Variants in ZNF540 observed in about 807,000 individuals in gnomAD.
ZNF540 encodes the protein zinc finger protein 540, also known as CTD-3064H18.6.
ZNF540 carries 3 observed loss-of-function variants against 11.8 expected under a neutral mutation model. The ratio of observed to expected loss-of-function variants is 0.25; its 90% CI spans 0.12 to 0.65. ZNF540 has a LOEUF of 0.65. Ranked by LOEUF, ZNF540 falls within the 30% of genes least tolerant of loss-of-function variation. ZNF540 has a pLI of 0.83. For synonymous variants in ZNF540, 247 were observed against 259.0 expected (o/e 0.95, Z 0.45); for missense variants, 709 against 793.1 (o/e 0.89, Z 1.27).
At chr19:37,598,086 A>T (rs752922315) in intron 1 of ZNF540, among the ~76,000 whole-genome samples, 5 of 152,194 alleles carry the variant, frequency 3.3e-5, no homozygotes, top group Non-Finnish European at 5.9e-5. Flanking sequence ...GGCAATTCTG[A>T]ACATCCCAGC....
chr19:37,608,986 C>T (rs1165205860), intron 4 of ZNF540, among the ~76,000 whole-genome samples: 1 of 152,096 alleles, frequency 6.6e-6, no homozygotes, highest in African/African-American at 2.4e-5. Context: ...GATTGCCACC[C>T]TCCAGCTTTC....
intron 4 of ZNF540, among the ~76,000 whole-genome samples, chr19:37,605,314 G>T (rs550973945): frequency 6.6e-6 from 1 of 151,988 alleles, no homozygotes; most frequent in South Asian, 2.1e-4. Flanking sequence ...ACAAAAATTA[G>T]CTAGGCATGG....
chr19:37,614,020 AC>A lies in ZNF540; in HGVS notation c.*760del, dbSNP rs2044152837. 2 of 395,940 alleles carry A rather than the reference AC, an allele frequency of 5.1e-6. No homozygotes were observed. The highest frequency in any genetic ancestry group is 1.4e-4 in the South Asian group (1 of 7,076). 24.5% of individuals were successfully genotyped at this position (395,940 alleles called of 1,614,324 possible). On this transcript the variant is annotated 3_prime_UTR_variant, in exon 5 of 5. Coordinates refer to ENST00000316433, the MANE Select transcript of ZNF540 (RefSeq NM_001172225.3). ...AGTGCAAAAGAGGGCCTTCACCAGA[AC>A]CCAAGCATGCTGGCACCTTGACCTT...
intron 1 of ZNF540, among the ~76,000 whole-genome samples, chr19:37,576,042 T>TACAC (rs34837052): frequency 8.5e-4 from 126 of 148,938 alleles, no homozygotes; most frequent in African/African-American, 1.4e-3. Flanking sequence ...CATACATGCA[T>TACAC]ACACACACAC....
At chr19:37,564,979 A>G in intron 1 of ZNF540, 1 of 1,613,926 alleles carries the variant, frequency 6.2e-7, no homozygotes, top group South Asian at 1.1e-5. Context: ...TAGCACGTAC[A>G]AAGGTCTTCC....
chr19:37,606,469 A>T (rs1346836371), intron 4 of ZNF540, among the ~76,000 whole-genome samples: 1 of 152,224 alleles, frequency 6.6e-6, no homozygotes, highest in East Asian at 1.9e-4. Context: ...TATATGACGA[A>T]TATAACTTTC....
intron 4 of ZNF540, among the ~76,000 whole-genome samples, chr19:37,602,936 G>A (rs952730625): frequency 5.9e-5 from 9 of 151,936 alleles, no homozygotes; most frequent in Non-Finnish European, 1.2e-4. Flanking sequence ...CTTTTCTAAT[G>A]GGAAATCTGT....
rs2042986142 is a variant in ZNF540 at position 37,569,575 on chromosome 19, C to CTGTT, written c.-73+17912_-73+17915dup. Among the ~76,000 whole-genome samples the CTGTT allele has an allele frequency of 6.6e-6, 1 of 152,098 alleles. No individual in the cohort carries two copies. The highest frequency in any genetic ancestry group is 6.5e-5 in the Admixed American group (1 of 15,272). ...TATTCATATTTTGTTATTTTATCTC[C>CTGTT]TGTTTTATTAAAAACAACAAGTGCT... On this transcript the variant is annotated intron_variant, in intron 1 of 4. Coordinates refer to the ZNF540 transcript ENST00000592533. The surrounding 1 kb of genome is among the most constrained non-coding windows in gnomAD (Gnocchi z 4.4).
At chr19:37,610,663 T>C (rs531052943) in intron 4 of ZNF540, among the ~76,000 whole-genome samples, 5 of 152,304 alleles carry the variant, frequency 3.3e-5, no homozygotes, top group African/African-American at 9.6e-5. Flanking sequence ...AGGAGCTGAA[T>C]AGAAGCAAGT....
intron 1 of ZNF540, among the ~76,000 whole-genome samples, chr19:37,577,596 C>T (rs994326315): frequency 1.3e-5 from 2 of 152,062 alleles, no homozygotes; most frequent in African/African-American, 4.8e-5. Flanking sequence ...CTAAAAACCC[C>T]AAAACCAGAC....
chr19:37,588,039 G>C (rs2043737011), intron 1 of ZNF540, among the ~76,000 whole-genome samples: 1 of 136,172 alleles, frequency 7.3e-6, no homozygotes, highest in African/African-American at 2.8e-5. Context: ...GGTGGAGGTT[G>C]CAGTGACCCA....
chr19:37,564,498 AAGAATGAGC>A (rs2042776125), intron 1 of ZNF540: 1 of 1,162,488 alleles, frequency 8.6e-7, no homozygotes, highest in Non-Finnish European at 1.1e-6. Context: ...TAGGCCTTCT[AAGAATGAGC>A]AGATTCTGAG....
chr19:37,598,557 C>T lies in ZNF540; in HGVS notation c.9+101C>T, dbSNP rs2290998. Reference sequence around the variant, plus strand: ...TGACACTTCCTAAGAATTTTTTCTTCATCCCCACATTTCCAAGCTCCTCCC... The same window carrying T: ...TGACACTTCCTAAGAATTTTTTCTTTATCCCCACATTTCCAAGCTCCTCCC... On this transcript the variant is annotated intron_variant, in intron 2 of 4. Coordinates refer to ENST00000316433, the MANE Select transcript of ZNF540 (RefSeq NM_001172225.3). The T allele has an allele frequency of 4.9e-3, 6,676 of 1,361,242 alleles. 206 individuals carry two copies. In the Admixed American group the frequency reaches 0.064, roughly 13 times the overall value. 84.3% of individuals were successfully genotyped at this position (1,361,242 alleles called of 1,614,324 possible). A position where few individuals can be genotyped will look rare whatever the true frequency, so the allele number is the denominator to read the frequency against.
chr19:37,597,604 T>G (rs1440749481), intron 1 of ZNF540: 1 of 152,230 alleles, frequency 6.6e-6, no homozygotes, highest in Non-Finnish European at 1.5e-5. Context: ...ATTTTGTATT[T>G]TTAGTAGAGA....
At chr19:37,609,872 A>G (rs756492644) in intron 4 of ZNF540, among the ~76,000 whole-genome samples, 1 of 152,106 alleles carries the variant, frequency 6.6e-6, no homozygotes, top group African/African-American at 2.4e-5. Flanking sequence ...GAAAGAAAAA[A>G]AAAGAAAAGA....
chr19:37,554,377 A>G (rs963287256), intron 1 of ZNF540, among the ~76,000 whole-genome samples: 1 of 152,026 alleles, frequency 6.6e-6, no homozygotes, highest in African/African-American at 2.4e-5. Flanking sequence ...CACTTTTTTC[A>G]TATTATTACC....
At chr19:37,572,140 G>A (rs967681452) in intron 1 of ZNF540, among the ~76,000 whole-genome samples, 10 of 152,146 alleles carry the variant, frequency 6.6e-5, no homozygotes, top group Non-Finnish European at 1.3e-4. Flanking sequence ...TCCTACTTCT[G>A]TTACCCCTAT....
intron 1 of ZNF540, among the ~76,000 whole-genome samples, chr19:37,562,065 A>G (rs997526349): frequency 6.6e-6 from 1 of 152,168 alleles, no homozygotes; most frequent in African/African-American, 2.4e-5. Context: ...AGTGATGACA[A>G]TTCAGTGGGC....
In ZNF540 at chr19:37,609,613, C is replaced by T. The variant is rs548781184; in HGVS notation, c.233-1900C>T. Among the ~76,000 whole-genome samples the T allele has an allele frequency of 6.0e-5, 9 of 151,008 alleles. No individual in the cohort carries two copies. In the South Asian group the frequency reaches 1.5e-3, roughly 25 times the overall value. On this transcript the variant is annotated intron_variant, in intron 4 of 4. Coordinates refer to ENST00000316433, the MANE Select transcript of ZNF540 (RefSeq NM_001172225.3). ...CTGGAATCCCAGCTCTTTGGGAGGC[C>T]GAGACAAGTGGATCACCTGAGGTCA... is the stretch of plus-strand genomic sequence containing the variant.
Sources: allele counts gnomAD v4.1 joint callset (sites outside exome capture counted in the v4.1 genomes callset), GRCh38; gene constraint gnomAD v4.1.1; non-coding constraint Gnocchi (gnomAD v3.1); transcripts MANE v1.5; gene names NCBI Gene and HGNC (gene_info 2026-07-23, HGNC 2026-07-21).